Variants in PLS3 observed in about 807,000 individuals in gnomAD.
PLS3 encodes the protein plastin 3, also known as plastin-3.
In PLS3, 11 loss-of-function variants were observed where a neutral mutation model predicts 46.5. That is an observed-to-expected ratio of 0.24 (90% CI 0.15 to 0.39). The LOEUF (loss-of-function observed/expected upper bound fraction) is 0.39. PLS3 is among the 10% of genes least tolerant of loss of function. The pLI, the probability that PLS3 is intolerant of heterozygous loss-of-function variation, is 1.00. For missense variants in PLS3, 308 were observed against 461.8 expected, an observed-to-expected ratio of 0.67 and a Z score of 3.05; for synonymous variants, 167 against 162.2, an observed-to-expected ratio of 1.03 and a Z score of -0.22.
chrX:115,625,509 C>T (rs1474226562), intron 3 of PLS3, among the ~76,000 whole-genome samples: 1 of 108,765 alleles, frequency 9.2e-6, no homozygotes, highest in Non-Finnish European at 1.9e-5. Flanking sequence ...ATGGCACTTT[C>T]AGCAGAGAAG....
chrX:115,582,409 C>T (rs1009371599), intron 1 of PLS3, among the ~76,000 whole-genome samples: 1 of 112,180 alleles, frequency 8.9e-6, no homozygotes, highest in African/African-American at 3.2e-5. Flanking sequence ...CAAGATTGGT[C>T]AGTTACAATC....
At chrX:115,567,709 CTTT>C (rs782653479) in intron 1 of PLS3, among the ~76,000 whole-genome samples, 25 of 81,932 alleles carry the variant, frequency 3.1e-4, no homozygotes, top group Middle Eastern at 6.4e-3. Context: ...TTTTCTTCTT[CTTT>C]TTTTTTTTTT....
chrX:115,591,831 G>A (rs1024099389), intron 1 of PLS3, among the ~76,000 whole-genome samples: 1 of 112,645 alleles, frequency 8.9e-6, no homozygotes, highest in Admixed American at 9.4e-5. Context: ...AGTTGAAGAA[G>A]CTTCATTTCA....
chrX:115,643,723 C>G (rs1455190658), intron 10 of PLS3, among the ~76,000 whole-genome samples: 2 of 112,078 alleles, frequency 1.8e-5, no homozygotes, highest in African/African-American at 6.5e-5. Context: ...GTAATCCCAG[C>G]ACTTTGGGAG....
chrX:115,587,803 G>C (rs889872287), intron 1 of PLS3, among the ~76,000 whole-genome samples: 5 of 110,686 alleles, frequency 4.5e-5, no homozygotes, highest in African/African-American at 1.6e-4. Flanking sequence ...TCAGACCCGA[G>C]TATCTAACAG....
At chrX:115,589,738 C>G (rs781908331) in intron 1 of PLS3, among the ~76,000 whole-genome samples, 19 of 112,259 alleles carry the variant, frequency 1.7e-4, no homozygotes, top group Non-Finnish European at 3.2e-4. Flanking sequence ...CTATGCCTAG[C>G]TTTTGTGTTA....
At chrX:115,604,915 A>C (rs2074476695) in intron 1 of PLS3, among the ~76,000 whole-genome samples, 1 of 112,198 alleles carries the variant, frequency 8.9e-6, no homozygotes, top group African/African-American at 3.2e-5. Context: ...ACCTATGAGT[A>C]GTCTTAAGGA....
chrX:115,582,036 T>C lies in PLS3; in HGVS notation c.-9+20776T>C, dbSNP rs2074282085. The stretch of plus-strand genomic sequence containing the variant: ...GTGATTTAAAGAAGATGCAATATAA[T>C]GGTACTCATTGTAAACATATATCCA... On this transcript the variant is annotated intron_variant, in intron 1 of 15. Transcript: ENST00000355899. Among the ~76,000 whole-genome samples, 3 of 112,346 alleles carry C rather than the reference T, an allele frequency of 2.7e-5. No homozygotes were observed. The Admixed American group carries it at 2.8e-4, about 11-fold the overall frequency.
chrX:115,631,045 T>TTATATATA (rs60211968), intron 5 of PLS3, among the ~76,000 whole-genome samples: 7 of 94,601 alleles, frequency 7.4e-5, no homozygotes, highest in African/African-American at 2.4e-4. Context: ...TAATATAACA[T>TTATATATA]TATATATATA....
intron 1 of PLS3, among the ~76,000 whole-genome samples, chrX:115,603,035 G>T (rs1556634825): frequency 9.0e-6 from 1 of 110,846 alleles, no homozygotes; most frequent in African/African-American, 3.3e-5. Flanking sequence ...GATAAAATAG[G>T]CACCCCCGTC....
At chrX:115,597,959 G>A (rs1271336627) in intron 1 of PLS3, among the ~76,000 whole-genome samples, 1 of 111,261 alleles carries the variant, frequency 9.0e-6, no homozygotes, top group Non-Finnish European at 1.9e-5. Flanking sequence ...TCTGCTATAC[G>A]TGGTGATTAT....
At chrX:115,601,973 G>C (rs782710017) in intron 1 of PLS3, among the ~76,000 whole-genome samples, 31 of 111,880 alleles carry the variant, frequency 2.8e-4, no homozygotes, top group Non-Finnish European at 5.5e-4. Flanking sequence ...ATTGGACCCT[G>C]ATCTGCTGCT....
chrX:115,625,484 G>C (rs1166715132), intron 3 of PLS3, among the ~76,000 whole-genome samples: 1 of 109,084 alleles, frequency 9.2e-6, no homozygotes, highest in Admixed American at 9.9e-5. Context: ...TTTTTTCTTT[G>C]ATTGTTAAAC....
rs781925782 is a variant in PLS3 at position 115,584,501 on chromosome X, T to G, written c.-9+23241T>G. Among the ~76,000 whole-genome samples the G allele has an allele frequency of 3.6e-5, 4 of 112,575 alleles. No homozygotes were observed. In the South Asian group the frequency reaches 1.4e-3, roughly 41 times the overall value. On this transcript the variant is annotated intron_variant, in intron 1 of 15. Transcript: ENST00000355899. ...CTTGAATAGGGAAAAAATGACATTT[T>G]GTTTGAAATCTAGTTCAAGAAGCTA... is the stretch of plus-strand genomic sequence containing the variant.
At chrX:115,644,979 A>G in intron 10 of PLS3, 42 bp from the exon 11 acceptor site, 1 of 807,750 alleles carries the variant, frequency 1.2e-6, no homozygotes, top group South Asian at 2.1e-5. Flanking sequence ...ACATACATAA[A>G]GTGTTTAATG....
rs782652349 is a variant in PLS3 at position 115,646,580 on chromosome X, G to A, written c.1511+45G>A. 11 of 1,124,620 alleles carry A rather than the reference G, an allele frequency of 9.8e-6. 1 individual carries two copies. In the South Asian group the frequency reaches 2.2e-4, roughly 23 times the overall value. 92.7% of individuals were successfully genotyped at this position (1,124,620 alleles called of 1,213,427 possible). A position where few individuals can be genotyped will look rare whatever the true frequency, so the allele number is the denominator to read the frequency against. ...CTGTTTAGTCTTTACTATCATACAG[G>A]TCTGTGATTTAGTCCTTACTGTGTT... On this transcript the variant is annotated intron_variant, in intron 13 of 15. Transcript: ENST00000355899.
intron 1 of PLS3, chrX:115,593,676 T>G (rs1194400403): frequency 8.9e-6 from 1 of 111,862 alleles, no homozygotes; most frequent in Non-Finnish European, 1.9e-5. Flanking sequence ...ACTTTGAGAT[T>G]ACTAAATCTA....
At chrX:115,602,926 G>T (rs782496855) in intron 1 of PLS3, among the ~76,000 whole-genome samples, 1 of 110,533 alleles carries the variant, frequency 9.0e-6, no homozygotes, top group African/African-American at 3.3e-5. Context: ...TTTCCCACGT[G>T]CATTCTCTTT....
intron 1 of PLS3, among the ~76,000 whole-genome samples, chrX:115,563,139 A>G (rs1391362446): frequency 9.0e-6 from 1 of 111,602 alleles, no homozygotes; most frequent in Non-Finnish European, 1.9e-5. Context: ...AAATCCCACA[A>G]GATAGTGTTA....
Sources: gnomAD v4.1 joint callset for allele counts (sites outside exome capture counted in the v4.1 genomes callset) on GRCh38, gnomAD v4.1.1 for gene constraint, MANE v1.5 for transcripts, NCBI Gene and HGNC (gene_info 2026-07-23, HGNC 2026-07-21) for gene names.